GALNT13: variants seen among roughly 807,000 people sequenced by gnomAD.
GALNT13 encodes the protein polypeptide N-acetylgalactosaminyltransferase 13.
GALNT13 carries 28 observed loss-of-function variants against 64.2 expected under a neutral mutation model. The observed-to-expected ratio is 0.44, with a 90% CI of 0.32 to 0.60. The LOEUF (loss-of-function observed/expected upper bound fraction) is 0.60, where lower values mean the gene tolerates loss of function less well. Among genes scored for constraint, GALNT13 ranks in the 20% least tolerant of loss-of-function variants. GALNT13 has a pLI of 0.05. For missense variants in GALNT13, 577 were observed against 669.8 expected (o/e 0.86, Z 1.53); for synonymous variants, 214 against 224.6 (o/e 0.95, Z 0.42).
At chr2:154,090,420 T>C (rs1217038094) in intron 3 of GALNT13, among the ~76,000 whole-genome samples, 1 of 152,074 alleles carries the variant, frequency 6.6e-6, no homozygotes, top group Non-Finnish European at 1.5e-5. Context: ...TAATAGAAAT[T>C]GCTATTTTTA....
the GALNT13 span, among the ~76,000 whole-genome samples, chr2:153,595,022 A>C: frequency 6.6e-6 from 1 of 152,110 alleles, no homozygotes; most frequent in African/African-American, 2.4e-5. Context: ...AGTAATTACA[A>C]AAATAAATCT....
intron 11 of GALNT13, among the ~76,000 whole-genome samples, chr2:154,414,725 C>G (rs1315150940): frequency 6.6e-6 from 1 of 151,812 alleles, no homozygotes; most frequent in African/African-American, 2.4e-5. Flanking sequence ...TATAAGAATA[C>G]TTTGTTAAAT....
chr2:154,159,559 G>A (rs188894406), intron 4 of GALNT13, among the ~76,000 whole-genome samples: 3 of 152,208 alleles, frequency 2.0e-5, no homozygotes, highest in East Asian at 1.9e-4. Flanking sequence ...AGATGTGACA[G>A]GCAGAAAAAC....
At chr2:153,160,311 C>T in the GALNT13 span, among the ~76,000 whole-genome samples, 1 of 152,042 alleles carries the variant, frequency 6.6e-6, no homozygotes, top group Non-Finnish European at 1.5e-5. Context: ...TCAGCAGGGT[C>T]GCATATTCCA....
At chr2:153,379,168 C>T in the GALNT13 span, among the ~76,000 whole-genome samples, 14 of 152,160 alleles carry the variant, frequency 9.2e-5, no homozygotes, top group East Asian at 1.7e-3. Flanking sequence ...ATAAAATGAG[C>T]CAAGCTCATT....
chr2:153,526,726 A>T, the GALNT13 span, among the ~76,000 whole-genome samples: 1 of 152,214 alleles, frequency 6.6e-6, no homozygotes, highest in East Asian at 1.9e-4. Flanking sequence ...ACCAGTTATC[A>T]ACAGAGATAT....
intron 3 of GALNT13, among the ~76,000 whole-genome samples, chr2:153,991,483 AGT>A (rs1695152317): frequency 6.6e-6 from 1 of 152,126 alleles, no homozygotes; most frequent in Admixed American, 6.6e-5. Flanking sequence ...GTGAAGGAGG[AGT>A]GTATGGGCAG....
At chr2:154,261,898 A>G (rs970127483) in intron 8 of GALNT13, among the ~76,000 whole-genome samples, 4 of 152,146 alleles carry the variant, frequency 2.6e-5, no homozygotes, top group African/African-American at 9.7e-5. Flanking sequence ...TAGTCTAAGT[A>G]AAGAAGATAG....
chr2:153,836,878 G>A, the GALNT13 span, among the ~76,000 whole-genome samples: 11 of 152,144 alleles, frequency 7.2e-5, no homozygotes, highest in Admixed American at 1.3e-4. Flanking sequence ...TGGTGTATAT[G>A]TGCCACATTT....
the GALNT13 span, among the ~76,000 whole-genome samples, chr2:153,240,810 G>A: frequency 6.6e-6 from 1 of 152,036 alleles, no homozygotes; most frequent in African/African-American, 2.4e-5. Context: ...CCTAGGTGCT[G>A]CCAATGCCTT....
the GALNT13 span, among the ~76,000 whole-genome samples, chr2:153,675,868 G>A: frequency 6.6e-6 from 1 of 151,990 alleles, no homozygotes; most frequent in South Asian, 2.1e-4. Context: ...CTAAAGCAGT[G>A]CTAAGAGGAA....
chr2:153,401,140 G>A, the GALNT13 span, among the ~76,000 whole-genome samples: 2 of 152,012 alleles, frequency 1.3e-5, no homozygotes, highest in South Asian at 4.1e-4. Flanking sequence ...TGTTCTCATT[G>A]GTTTCAAAGA....
chr2:153,659,962 T>G, the GALNT13 span, among the ~76,000 whole-genome samples: 1 of 152,126 alleles, frequency 6.6e-6, no homozygotes, highest in African/African-American at 2.4e-5. Flanking sequence ...AATCATCTAT[T>G]AAAAATGCTG....
chr2:154,056,877 AAATT>A (rs1264880799), intron 3 of GALNT13, among the ~76,000 whole-genome samples: 6 of 151,884 alleles, frequency 4.0e-5, no homozygotes, highest in African/African-American at 9.7e-5. Context: ...AGAATAATAT[AAATT>A]AATTTATTTT....
chr2:154,083,748 C>T (rs1701395513), intron 3 of GALNT13, among the ~76,000 whole-genome samples: 1 of 151,790 alleles, frequency 6.6e-6, no homozygotes, highest in South Asian at 2.1e-4. Context: ...AACCATGTCC[C>T]TGCCTGACCT....
the GALNT13 span, among the ~76,000 whole-genome samples, chr2:153,355,440 T>C: frequency 1.3e-5 from 2 of 152,220 alleles, no homozygotes; most frequent in Non-Finnish European, 2.9e-5. Flanking sequence ...GTATTTACTA[T>C]TTCTTTTGGT....
At chr2:153,907,017 T>C (rs1688611801) in intron 2 of GALNT13, among the ~76,000 whole-genome samples, 1 of 152,166 alleles carries the variant, frequency 6.6e-6, no homozygotes, top group Non-Finnish European at 1.5e-5. Context: ...CGTTTTTTCA[T>C]GTGTTTTTTG....
chr2:154,411,970 T>G (rs1472978814), intron 11 of GALNT13, among the ~76,000 whole-genome samples: 1 of 151,796 alleles, frequency 6.6e-6, no homozygotes, highest in African/African-American at 2.4e-5. Context: ...AAATTAACAC[T>G]AAACATGGCA....
chr2:153,298,343 C>A, the GALNT13 span, among the ~76,000 whole-genome samples: 1 of 152,102 alleles, frequency 6.6e-6, no homozygotes, highest in African/African-American at 2.4e-5. Flanking sequence ...ACCTTCGTGA[C>A]CGGACTGAAG....
Sources: allele counts gnomAD v4.1 joint callset (sites outside exome capture counted in the v4.1 genomes callset), GRCh38; gene constraint gnomAD v4.1.1; transcripts MANE v1.5; gene names NCBI Gene and HGNC (gene_info 2026-07-23, HGNC 2026-07-21).